The following EPN2 variants were observed in gnomAD, a reference collection of about 807,000 sequenced individuals.
EPN2 encodes the protein epsin-2.
A neutral mutation model predicts 61.7 loss-of-function variants in EPN2; 34 were observed. The observed-to-expected ratio is 0.55, with a 90% CI of 0.42 to 0.73. The LOEUF is 0.73. Among genes scored for constraint, EPN2 ranks in the 30% least tolerant of loss-of-function variants. The pLI, the probability that EPN2 is intolerant of heterozygous loss-of-function variation, is 0.00. For missense variants in EPN2, 714 were observed against 839.2 expected (o/e 0.85, Z 1.84); for synonymous variants, 349 against 353.6 (o/e 0.99, Z 0.15).
At chr17:19,250,315 C>T (rs191912785) in intron 1 of EPN2, among the ~76,000 whole-genome samples, 98 of 152,110 alleles carry the variant, frequency 6.4e-4, no homozygotes, top group Non-Finnish European at 9.6e-4. Context: ...AGGCTGGTGT[C>T]GAACCCCTAA....
At chr17:19,246,838 A>G (rs984754859) in intron 1 of EPN2, among the ~76,000 whole-genome samples, 1 of 134,258 alleles carries the variant, frequency 7.4e-6, no homozygotes, top group South Asian at 2.3e-4. Context: ...GCGCGATCTC[A>G]GCTCACTGCA....
intron 4 of EPN2, among the ~76,000 whole-genome samples, chr17:19,288,335 G>A (rs1238400874): frequency 6.6e-6 from 1 of 152,236 alleles, no homozygotes; most frequent in African/African-American, 2.4e-5. Context: ...CCTTGCCCTC[G>A]TGGAGCTTAT....
intron 1 of EPN2, among the ~76,000 whole-genome samples, chr17:19,272,409 G>A (rs1278878961): frequency 1.3e-5 from 2 of 152,150 alleles, no homozygotes; most frequent in Non-Finnish European, 2.9e-5. Flanking sequence ...TACTCCCTCA[G>A]TTGGTGACCT....
chr17:19,244,159 T>G (rs996361802), intron 1 of EPN2, among the ~76,000 whole-genome samples: 1 of 152,176 alleles, frequency 6.6e-6, no homozygotes, highest in Non-Finnish European at 1.5e-5. Context: ...TGTCTAGGCC[T>G]TTTAGAATTG....
intron 4 of EPN2, among the ~76,000 whole-genome samples, chr17:19,304,349 A>G (rs1296393644): frequency 6.6e-6 from 1 of 152,198 alleles, no homozygotes; most frequent in African/African-American, 2.4e-5. Context: ...ACTGCTGTTC[A>G]GTAACAAGGA....
intron 1 of EPN2, among the ~76,000 whole-genome samples, chr17:19,260,634 T>C (rs2045131217): frequency 6.6e-6 from 1 of 152,008 alleles, no homozygotes; most frequent in Non-Finnish European, 1.5e-5. Context: ...ACTTTTTTTT[T>C]TTTTAATGAA....
intron 4 of EPN2, among the ~76,000 whole-genome samples, chr17:19,307,008 ACTGT>A (rs1168413735): frequency 1.3e-5 from 2 of 152,196 alleles, no homozygotes; most frequent in Non-Finnish European, 2.9e-5. Flanking sequence ...GTCCCCAGGA[ACTGT>A]CTGGCTTCCT....
At chr17:19,257,658 C>G (rs1048809307) in intron 1 of EPN2, among the ~76,000 whole-genome samples, 5 of 152,010 alleles carry the variant, frequency 3.3e-5, no homozygotes, top group African/African-American at 1.2e-4. Flanking sequence ...GCTGGGACTA[C>G]AGGCATGTGC....
chr17:19,306,111 AC>A (rs1175610415), intron 4 of EPN2: 1 of 152,204 alleles, frequency 6.6e-6, no homozygotes, highest in Admixed American at 6.5e-5. Context: ...TGGGAAAGCA[AC>A]CTGCAACAAT....
intron 7 of EPN2, among the ~76,000 whole-genome samples, chr17:19,323,609 T>C (rs1906741761): frequency 2.0e-5 from 3 of 152,230 alleles, no homozygotes; most frequent in Non-Finnish European, 1.5e-5. Flanking sequence ...ATAGCTAACT[T>C]ATTGACAGCA....
intron 1 of EPN2, among the ~76,000 whole-genome samples, chr17:19,276,076 A>G (rs1367377751): frequency 6.6e-6 from 1 of 152,236 alleles, no homozygotes; most frequent in East Asian, 1.9e-4. Flanking sequence ...ATACAATTTC[A>G]AAACAGGTTT....
At chr17:19,249,417 T>C (rs915037951) in intron 1 of EPN2, 10 of 152,220 alleles carry the variant, frequency 6.6e-5, no homozygotes, top group Admixed American at 6.5e-4. Flanking sequence ...TCCCAAGGCC[T>C]CTGGGTAATG....
At chr17:19,244,246 G>A (rs1328497570) in intron 1 of EPN2, among the ~76,000 whole-genome samples, 1 of 152,154 alleles carries the variant, frequency 6.6e-6, no homozygotes, top group East Asian at 1.9e-4. Context: ...ATCACTTGAG[G>A]CCAGGAGTTG....
chr17:19,313,778 T>TTTA (rs1318036680), intron 7 of EPN2: 2 of 154,168 alleles, frequency 1.3e-5, no homozygotes, highest in Non-Finnish European at 2.9e-5. Context: ...AAATGAATAT[T>TTTA]TTAAAGTTTT....
chr17:19,329,895 G>A (rs569954770), intron 9 of EPN2, among the ~76,000 whole-genome samples: 3 of 152,220 alleles, frequency 2.0e-5, no homozygotes, highest in Non-Finnish European at 2.9e-5. Flanking sequence ...CCACAGCCCC[G>A]GCCTCCTCAG....
chr17:19,256,610 A>T (rs1415244893), intron 1 of EPN2, among the ~76,000 whole-genome samples: 1 of 151,910 alleles, frequency 6.6e-6, no homozygotes, highest in East Asian at 1.9e-4. Flanking sequence ...CGTAAAGGGG[A>T]TTATATAGCG....
intron 7 of EPN2, among the ~76,000 whole-genome samples, chr17:19,321,582 G>T (rs894637858): frequency 6.6e-6 from 1 of 152,180 alleles, no homozygotes; most frequent in Non-Finnish European, 1.5e-5. Context: ...AAGCAGGAGT[G>T]GGGGATAGAA....
At chr17:19,326,003 TC>T (rs1392142451) in intron 7 of EPN2, among the ~76,000 whole-genome samples, 1 of 152,208 alleles carries the variant, frequency 6.6e-6, no homozygotes, top group Non-Finnish European at 1.5e-5. Context: ...AGATACTAGT[TC>T]CTAGAAATAA....
At chr17:19,300,378 G>A (rs930397785) in intron 4 of EPN2, among the ~76,000 whole-genome samples, 9 of 150,864 alleles carry the variant, frequency 6.0e-5, no homozygotes, top group African/African-American at 2.2e-4. Flanking sequence ...CCTAAAGATA[G>A]GATTTAAGGT....
Sources: allele counts gnomAD v4.1 joint callset (sites outside exome capture counted in the v4.1 genomes callset), GRCh38; gene constraint gnomAD v4.1.1; transcripts MANE v1.5; gene names NCBI Gene and HGNC (gene_info 2026-07-23, HGNC 2026-07-21).